Variants in NFXL1 observed in about 807,000 individuals in gnomAD.
NFXL1 encodes NF-X1-type zinc finger protein NFXL1.
In NFXL1, 66 loss-of-function variants were observed where a neutral mutation model predicts 123.3. That is an observed-to-expected ratio of 0.54 (90% confidence interval 0.44 to 0.66). The LOEUF is 0.66. Among genes scored for constraint, NFXL1 ranks in the 30% least tolerant of loss-of-function variants. The probability of loss-of-function intolerance (pLI) is 0.00; values close to 1 mark genes in which losing one functional copy is unlikely to be tolerated. For missense variants in NFXL1, 944 were observed against 1,125.6 expected (o/e 0.84, Z 2.31); for synonymous variants, 346 against 360.8 (o/e 0.96, Z 0.46).
At chr4:47,904,300 G>T (rs533939572) in intron 4 of NFXL1, among the ~76,000 whole-genome samples, 1 of 152,194 alleles carries the variant, frequency 6.6e-6, no homozygotes, top group South Asian at 2.1e-4. Flanking sequence ...ACTCCCTGTG[G>T]TGCAATGTTG....
intron 4 of NFXL1, among the ~76,000 whole-genome samples, chr4:47,904,853 A>G (rs1241415698): frequency 2.6e-5 from 4 of 152,230 alleles, no homozygotes; most frequent in Admixed American, 1.3e-4. Context: ...TAATTAAGCC[A>G]TAAGTGTTAC....
chr4:47,868,773 A>C (rs1735257101), intron 18 of NFXL1, among the ~76,000 whole-genome samples: 2 of 152,254 alleles, frequency 1.3e-5, no homozygotes, highest in Non-Finnish European at 2.9e-5. Context: ...TAAAATGAAA[A>C]AGGGGATGCA....
At chr4:47,893,966 C>G (rs890992923) in intron 11 of NFXL1, among the ~76,000 whole-genome samples, 1 of 151,756 alleles carries the variant, frequency 6.6e-6, no homozygotes, top group African/African-American at 2.4e-5. Flanking sequence ...ATGCACAGGA[C>G]AAGAAACTAT....
intron 3 of NFXL1, among the ~76,000 whole-genome samples, chr4:47,907,098 T>C (rs1046528082): frequency 6.6e-6 from 1 of 152,212 alleles, no homozygotes; most frequent in Non-Finnish European, 1.5e-5. Flanking sequence ...CTGTAAAGGC[T>C]TGAAGTAGGC....
chr4:47,853,587 G>C (rs1262947111), intron 20 of NFXL1, among the ~76,000 whole-genome samples: 1 of 152,006 alleles, frequency 6.6e-6, no homozygotes, highest in Non-Finnish European at 1.5e-5. Flanking sequence ...CTTCCAATAA[G>C]TATTAGCAGG....
In NFXL1 at chr4:47,855,114, G is replaced by A; in HGVS notation, c.2366C>T (p.Pro789Leu). Residue 789 changes from proline (P) to leucine (L), a missense_variant, in exon 20 of 23, where the codon CCC (proline) becomes CTC (leucine). By Grantham distance (98) the Pro-to-Leu change is moderately conservative. This residue lies in a region of NFXL1 where 301 missense variants were observed against 348.0 expected (regional missense o/e 0.86). Transcript: ENST00000507489. ...CKEMCHPGECPFNCNQKVKLR... is the reference protein window; with the variant it reads ...CKEMCHPGECLFNCNQKVKLR... ...TTTTACCTTCTGGTTGCAGTTAAAG[G>A]GACATTCACCAGGATGACACATCTC... 1.3e-6 allele frequency: 2 copies of A among 1,587,618 alleles called. No individual in the cohort carries two copies. The highest frequency in any genetic ancestry group is 1.4e-5 in the African/African-American group (1 of 73,820).
chr4:47,861,023 T>TC (rs1331197054), intron 19 of NFXL1, among the ~76,000 whole-genome samples: 1 of 151,170 alleles, frequency 6.6e-6, no homozygotes. Context: ...AGGCTATTTT[T>TC]TTTTTTTTGT....
chr4:47,898,868 A>C lies in NFXL1; in HGVS notation c.989-11T>G, dbSNP rs1342211101. The C allele has an allele frequency of 6.2e-7, 1 of 1,612,324 alleles. No homozygotes were observed. The highest frequency in any genetic ancestry group is 1.3e-5 in the African/African-American group (1 of 74,894). ...AAGGCTGACAGCTTCCTAAAACCAG[A>C]ATGATAAATTAGCACAGAAACATAA... is the stretch of plus-strand genomic sequence containing the variant. On this transcript the variant is annotated splice_polypyrimidine_tract_variant and intron_variant, in intron 7 of 22. Coordinates refer to ENST00000507489, the MANE Select transcript of NFXL1 (RefSeq NM_001278624.2).
At chr4:47,848,415 T>C in intron 22 of NFXL1, 79 bp from the exon 23 acceptor site, 1 of 1,126,886 alleles carries the variant, frequency 8.9e-7, no homozygotes, top group Non-Finnish European at 1.3e-6. Flanking sequence ...AAAAATCAAT[T>C]TGGGTAATGT....
At chr4:47,869,033 G>A (rs1578001796) in intron 18 of NFXL1, among the ~76,000 whole-genome samples, 1 of 152,048 alleles carries the variant, frequency 6.6e-6, no homozygotes, top group East Asian at 1.9e-4. Flanking sequence ...ACCAACCTGG[G>A]CAATACAATG....
At position 47,901,478 on chromosome 4, in the gene NFXL1, A is replaced by G. The variant is rs1456567158; in HGVS notation, c.647+1715T>C. ...AGAGCGAGGGTAAAAAAATATATAC[A>G]TAAGGTTTAAATCTCTAAACTAAAA... On this transcript the variant is annotated intron_variant, in intron 5 of 22. Transcript: ENST00000507489. 2.6e-5 allele frequency among the ~76,000 whole-genome samples: 4 copies of G among 152,182 alleles called. No individual in the cohort carries two copies. In the East Asian group the frequency reaches 5.8e-4, roughly 22 times the overall value.
At chr4:47,913,239 C>A (rs1231856146) in intron 2 of NFXL1, among the ~76,000 whole-genome samples, 1 of 152,112 alleles carries the variant, frequency 6.6e-6, no homozygotes, top group Non-Finnish European at 1.5e-5. Flanking sequence ...AGGGATTATT[C>A]CCTCGGCCCC....
At chr4:47,863,480 G>A (rs1734878086) in intron 18 of NFXL1, among the ~76,000 whole-genome samples, 1 of 152,020 alleles carries the variant, frequency 6.6e-6, no homozygotes, top group Non-Finnish European at 1.5e-5. Context: ...CTGGGAGTTC[G>A]AGACCAGCCT....
At chr4:47,913,678 G>T (rs192702736) in intron 2 of NFXL1, among the ~76,000 whole-genome samples, 49 of 152,286 alleles carry the variant, frequency 3.2e-4, no homozygotes, top group Non-Finnish European at 1.2e-4. Context: ...GACCAAATCA[G>T]AACACCGGGC....
At position 47,897,978 on chromosome 4, in the gene NFXL1, C is replaced by T. The variant is rs1186123052; in HGVS notation, c.1193G>A (p.Cys398Tyr). 1 of 1,596,478 alleles carries T rather than the reference C, an allele frequency of 6.3e-7. No homozygotes were observed. The highest frequency in any genetic ancestry group is 1.8e-5 in the Admixed American group (1 of 56,898). The change falls in exon 9 of 23, where the codon TGT (cysteine) becomes TAT (tyrosine). Residue 398 changes from cysteine to tyrosine, a missense_variant. This residue lies in a region of NFXL1 where 296 missense variants were observed against 395.1 expected (regional missense o/e 0.75). Transcript: ENST00000507489. ...CPRSGKRFCP[C>Y]QKSKFSLPCT... is the part of the protein sequence containing the mutation. The stretch of plus-strand genomic sequence containing the variant: ...AAAACAAGTCTTACTTGATTTCTGA[C>T]ATGGACAGAACCTTTTCCCAGATCG...
intron 3 of NFXL1, among the ~76,000 whole-genome samples, chr4:47,910,007 G>A (rs915046213): frequency 3.9e-5 from 6 of 152,112 alleles, no homozygotes; most frequent in Non-Finnish European, 8.8e-5. Context: ...ATAAAAGGCA[G>A]AAAGTTTAAT....
At chr4:47,881,764 TGAA>T (rs1202609650) in intron 15 of NFXL1, among the ~76,000 whole-genome samples, 1 of 152,122 alleles carries the variant, frequency 6.6e-6, no homozygotes, top group Non-Finnish European at 1.5e-5. Flanking sequence ...TATTGCTAAG[TGAA>T]GAAGCCAGTC....
At chr4:47,858,833 T>C (rs1324671195) in intron 19 of NFXL1, among the ~76,000 whole-genome samples, 1 of 152,202 alleles carries the variant, frequency 6.6e-6, no homozygotes, top group African/African-American at 2.4e-5. Context: ...AACATGGTAT[T>C]CACTTTTTAA....
intron 9 of NFXL1, 36 bp from the exon 10 acceptor site, chr4:47,896,683 ACAT>A: frequency 6.9e-7 from 1 of 1,444,682 alleles, no homozygotes; most frequent in Non-Finnish European, 9.7e-7. Flanking sequence ...TAATAATGAG[ACAT>A]TATTATTAAA....
Sources: allele counts gnomAD v4.1 joint callset (sites outside exome capture counted in the v4.1 genomes callset), GRCh38; gene constraint gnomAD v4.1.1; regional missense constraint gnomAD v4.1.1; transcripts MANE v1.5; gene names NCBI Gene and HGNC (gene_info 2026-07-23, HGNC 2026-07-21).